Variants in DIP2B observed in about 807,000 individuals in gnomAD.
DIP2B encodes the protein DIP2 acetate--CoA ligase B (putative).
A neutral mutation model predicts 198.0 loss-of-function variants in DIP2B; 76 were observed. That is an observed-to-expected ratio of 0.38 (90% CI 0.32 to 0.46). DIP2B has a LOEUF of 0.46. Ranked by LOEUF, DIP2B falls within the 20% of genes least tolerant of loss-of-function variation. The pLI, the probability that DIP2B is intolerant of heterozygous loss-of-function variation, is 0.99. For synonymous variants in DIP2B, 701 were observed against 739.1 expected, an observed-to-expected ratio of 0.95 and a Z score of 0.84; for missense variants, 1,559 against 1,978.4, an observed-to-expected ratio of 0.79 and a Z score of 4.02.
Position 50,741,347 on chromosome 12 carries a change from G to A in DIP2B, c.4355-69G>A, listed in dbSNP as rs144662928. Reference sequence around the variant, plus strand: ...TGACAGGCAGTCTGACCCCTGTGCTGTGGACTCCAGTGTTATGTTGCACTC... The same window carrying A: ...TGACAGGCAGTCTGACCCCTGTGCTATGGACTCCAGTGTTATGTTGCACTC... On this transcript the variant is annotated intron_variant, in intron 36 of 37. Transcript: ENST00000301180. 952 of 1,558,822 alleles carry A rather than the reference G, an allele frequency of 6.1e-4. 9 individuals carry two copies. In the African/African-American group the frequency reaches 0.011, roughly 18 times the overall value.
At chr12:50,701,380 T>TG (rs1555193832) in intron 19 of DIP2B, among the ~76,000 whole-genome samples, 3 of 152,174 alleles carry the variant, frequency 2.0e-5, no homozygotes, top group Non-Finnish European at 2.9e-5. Flanking sequence ...GGTTTGTTTT[T>TG]TTGTTGTTGT....
Position 50,627,762 on chromosome 12 carries a change from C to T in DIP2B, c.172+1715C>T, listed in dbSNP as rs562325146. On this transcript the variant is annotated intron_variant, in intron 2 of 37. Coordinates refer to ENST00000301180, the MANE Select transcript of DIP2B (RefSeq NM_173602.3). ...ATTGCAGTAGGCCAAGAGAATGTGG[C>T]ATATCCCTCCCCCAGTAGGGATGGC... Among the ~76,000 whole-genome samples the T allele has an allele frequency of 2.6e-5, 4 of 152,344 alleles. No homozygotes were observed. In the South Asian group the frequency reaches 8.3e-4, roughly 32 times the overall value.
At chr12:50,672,877 A>G (rs1365578807) in intron 5 of DIP2B, among the ~76,000 whole-genome samples, 2 of 152,234 alleles carry the variant, frequency 1.3e-5, no homozygotes, top group Admixed American at 1.3e-4. Flanking sequence ...TTTTCTTAGC[A>G]GTATGTGATG....
chr12:50,743,165 C>T (rs1940284349), intron 37 of DIP2B, among the ~76,000 whole-genome samples: 1 of 152,154 alleles, frequency 6.6e-6, no homozygotes, highest in South Asian at 2.1e-4. Flanking sequence ...TCACTGCAAC[C>T]TCTGCCTCCT....
At chr12:50,673,807 G>A (rs765650886) in intron 5 of DIP2B, among the ~76,000 whole-genome samples, 2 of 152,148 alleles carry the variant, frequency 1.3e-5, no homozygotes, top group Non-Finnish European at 2.9e-5. Flanking sequence ...GAATCCCTAT[G>A]TGCGGTAGAG....
At chr12:50,660,873 A>G (rs1384328548) in intron 4 of DIP2B, among the ~76,000 whole-genome samples, 1 of 152,098 alleles carries the variant, frequency 6.6e-6, no homozygotes, top group East Asian at 1.9e-4. Context: ...TTTTGTACAC[A>G]TTTATTTATT....
At chr12:50,619,524 T>A (rs1937764344) in intron 1 of DIP2B, among the ~76,000 whole-genome samples, 1 of 152,230 alleles carries the variant, frequency 6.6e-6, no homozygotes, top group African/African-American at 2.4e-5. Flanking sequence ...TGATGCTTCC[T>A]TCTGGGTTCC....
intron 1 of DIP2B, among the ~76,000 whole-genome samples, chr12:50,532,874 C>T (rs767005629): frequency 6.6e-6 from 1 of 152,204 alleles, no homozygotes; most frequent in Admixed American, 6.5e-5. Flanking sequence ...TGAGAAAAAA[C>T]GCAGAGAAAC....
Position 50,706,622 on chromosome 12 carries a change from A to G in DIP2B, c.2491A>G (p.Thr831Ala). Residue 831 changes from threonine to alanine, a missense_variant, in exon 21 of 38, where the codon ACT becomes GCT. Physicochemically the swap from Thr to Ala is moderately conservative, Grantham distance 58. Transcript: ENST00000301180. ...RRHNADDIVA[T>A]GLAVESIKTV... ...ACATAATGCTGATGACATTGTTGCT[A>G]CTGGATTGGCTGTAGAATCAATAAA... The G allele has an allele frequency of 6.2e-7, 1 of 1,614,106 alleles. No homozygotes were observed. Among genetic ancestry groups the G allele is most frequent in the Non-Finnish European group, 8.5e-7 (1 of 1,179,982 alleles).
chr12:50,574,020 A>G (rs1958636973), intron 1 of DIP2B, among the ~76,000 whole-genome samples: 1 of 152,218 alleles, frequency 6.6e-6, no homozygotes, highest in Non-Finnish European at 1.5e-5. Flanking sequence ...AGTGAATGGA[A>G]CATTCAGAAT....
intron 17 of DIP2B, among the ~76,000 whole-genome samples, chr12:50,698,110 G>A (rs572968378): frequency 6.6e-6 from 1 of 152,006 alleles, no homozygotes; most frequent in Non-Finnish European, 1.5e-5. Context: ...TGCCCAGGCT[G>A]GTTTTGAACT....
chr12:50,609,144 T>TA (rs200281756), intron 1 of DIP2B, among the ~76,000 whole-genome samples: 5 of 150,040 alleles, frequency 3.3e-5, no homozygotes, highest in South Asian at 2.1e-4. Flanking sequence ...AAAAAAATAA[T>TA]AAAAAAAAAA....
chr12:50,739,890 C>T (rs1010676234), intron 36 of DIP2B, among the ~76,000 whole-genome samples: 16 of 152,316 alleles, frequency 1.1e-4, no homozygotes, highest in Admixed American at 5.2e-4. Flanking sequence ...GATTCACATC[C>T]GGGACAAGCA....
chr12:50,682,075 C>A (rs974094570), intron 9 of DIP2B, among the ~76,000 whole-genome samples: 24 of 152,286 alleles, frequency 1.6e-4, no homozygotes, highest in African/African-American at 5.8e-4. Context: ...GTAAGAAACT[C>A]CGCAGTGGTA....
chr12:50,597,148 C>T (rs1958885724), intron 1 of DIP2B, among the ~76,000 whole-genome samples: 2 of 152,178 alleles, frequency 1.3e-5, no homozygotes, highest in Admixed American at 6.5e-5. Flanking sequence ...AACTCTTCTG[C>T]ACCTTGTTTT....
chr12:50,597,795 C>T (rs919547678), intron 1 of DIP2B, among the ~76,000 whole-genome samples: 3 of 152,284 alleles, frequency 2.0e-5, no homozygotes, highest in Admixed American at 2.0e-4. Context: ...TTTGTAATTA[C>T]ATTTTCAGTC....
intron 32 of DIP2B, among the ~76,000 whole-genome samples, chr12:50,733,796 C>A (rs1940090193): frequency 6.6e-6 from 1 of 152,224 alleles, no homozygotes; most frequent in African/African-American, 2.4e-5. Context: ...TCTTCTGTGA[C>A]CTTCTTCTTT....
Position 50,742,729 on chromosome 12 carries a change from C to T in DIP2B, c.4478+1190C>T, listed in dbSNP as rs527418596. On this transcript the variant is annotated intron_variant, in intron 37 of 37. Transcript: ENST00000301180. ...TGGCCAACATGGCAAAACCCTGTCT[C>T]TACTAAAAATACAAAAATTAGCTGG... 1.5e-3 allele frequency among the ~76,000 whole-genome samples: 226 copies of T among 152,216 alleles called. 1 individual carries two copies. The highest frequency in any genetic ancestry group is 3.4e-3 in the Middle Eastern group (1 of 294).
intron 22 of DIP2B, among the ~76,000 whole-genome samples, chr12:50,709,810 ATAATAATGATAG>A (rs1939581623): frequency 6.6e-6 from 1 of 151,956 alleles, no homozygotes; most frequent in South Asian, 2.1e-4. Context: ...CAAAATAATA[ATAATAATGATAG>A]TAATAATGAG....
Sources: gnomAD v4.1 joint callset for allele counts (sites outside exome capture counted in the v4.1 genomes callset) on GRCh38, gnomAD v4.1.1 for gene constraint, MANE v1.5 for transcripts, NCBI Gene and HGNC (gene_info 2026-07-23, HGNC 2026-07-21) for gene names.